Variants in EDA observed in about 807,000 individuals in gnomAD.
The protein encoded by EDA is ectodysplasin A, also known as ectodysplasin-A.
EDA carries 2 observed loss-of-function variants against 23.6 expected under a neutral mutation model. That is an observed-to-expected ratio of 0.08 (90% CI 0.03 to 0.27). The LOEUF (loss-of-function observed/expected upper bound fraction) is 0.27. Among genes scored for constraint, EDA ranks in the 10% least tolerant of loss-of-function variants. EDA has a pLI of 1.00. For synonymous variants in EDA, 131 were observed against 132.0 expected (o/e 0.99, Z 0.05); for missense variants, 229 against 324.2 (o/e 0.71, Z 2.26).
At chrX:69,853,334 A>C (rs1371525497) in intron 1 of EDA, among the ~76,000 whole-genome samples, 1 of 111,973 alleles carries the variant, frequency 8.9e-6, no homozygotes, top group African/African-American at 3.2e-5. Context: ...AGGAATTGAA[A>C]TAAATTATAC....
intron 1 of EDA, among the ~76,000 whole-genome samples, chrX:69,781,990 G>T (rs1455718068): frequency 9.1e-6 from 1 of 109,791 alleles, no homozygotes; most frequent in African/African-American, 3.3e-5. Context: ...CAAGAATAGT[G>T]TGGGGGAGGG....
intron 1 of EDA, among the ~76,000 whole-genome samples, chrX:69,655,877 T>C (rs778920894): frequency 9.7e-6 from 1 of 102,711 alleles, no homozygotes; most frequent in East Asian, 3.3e-4. Flanking sequence ...CCCTGTCCCA[T>C]TATTCATGTC....
intron 1 of EDA, among the ~76,000 whole-genome samples, chrX:69,906,777 C>G (rs963283211): frequency 8.9e-6 from 1 of 111,835 alleles, no homozygotes; most frequent in Admixed American, 9.5e-5. Context: ...ATACACACCC[C>G]TACAGGTTGT....
At chrX:69,840,084 G>A (rs2016863392) in intron 1 of EDA, among the ~76,000 whole-genome samples, 1 of 111,398 alleles carries the variant, frequency 9.0e-6, no homozygotes, top group African/African-American at 3.3e-5. Flanking sequence ...CTGGTGCTAT[G>A]CTCCTGTGAA....
intron 2 of EDA, among the ~76,000 whole-genome samples, chrX:70,013,997 A>G (rs976599626): frequency 9.0e-6 from 1 of 111,638 alleles, no homozygotes; most frequent in African/African-American, 3.3e-5. Context: ...GTGGCTCTAT[A>G]TTTATCTGGG....
At chrX:69,760,518 C>A (rs1262155497) in intron 1 of EDA, among the ~76,000 whole-genome samples, 3 of 111,942 alleles carry the variant, frequency 2.7e-5, no homozygotes, top group East Asian at 2.8e-4. Context: ...TGTTATCCAG[C>A]CTCTTTTTCA....
At chrX:70,024,366 G>T (rs1229073024) in intron 3 of EDA, among the ~76,000 whole-genome samples, 1 of 112,312 alleles carries the variant, frequency 8.9e-6, no homozygotes, top group Non-Finnish European at 1.9e-5. Context: ...CCTCCTGAGG[G>T]CCTGAACTGA....
chrX:69,882,643 C>G (rs904583947), intron 1 of EDA, among the ~76,000 whole-genome samples: 1 of 111,594 alleles, frequency 9.0e-6, no homozygotes, highest in Non-Finnish European at 1.9e-5. Flanking sequence ...TAACTTCCAA[C>G]TTACTTCAGT....
At chrX:69,826,898 G>T (rs1484516127) in intron 1 of EDA, among the ~76,000 whole-genome samples, 9 of 111,901 alleles carry the variant, frequency 8.0e-5, no homozygotes, top group Non-Finnish European at 1.5e-4. Flanking sequence ...AGGCCTGGTG[G>T]TGACAAAATC....
intron 1 of EDA, among the ~76,000 whole-genome samples, chrX:69,638,586 TC>T (rs752865199): frequency 4.5e-5 from 5 of 111,868 alleles, no homozygotes; most frequent in African/African-American, 1.6e-4. Flanking sequence ...TGCCAAGAGC[TC>T]TGAATGCTTT....
rs531522273 is a variant in EDA, at chrX:69,965,424, A to C, written c.502+8292A>C. On this transcript the variant is annotated intron_variant, in intron 2 of 7. Coordinates refer to ENST00000374552, the MANE Select transcript of EDA (RefSeq NM_001399.5). ...CCTAAAGGCAATGGGGAAGTACAGG[A>C]TCAATGTCAAGAATAGATTATATGG... 5.3e-5 allele frequency among the ~76,000 whole-genome samples: 6 copies of C among 112,168 alleles called. No homozygotes were observed. The South Asian group carries it at 2.2e-3, about 42-fold the overall frequency.
chrX:69,726,925 C>T (rs747295995), intron 1 of EDA, among the ~76,000 whole-genome samples: 2 of 112,343 alleles, frequency 1.8e-5, no homozygotes, highest in South Asian at 3.7e-4. Flanking sequence ...CATCTGCAGA[C>T]GGCTACGTGT....
At position 70,014,852 on chromosome X, in the gene EDA, G is replaced by C. The variant is rs1042545250; in HGVS notation, c.503-8366G>C. 4.5e-5 allele frequency among the ~76,000 whole-genome samples: 5 copies of C among 111,835 alleles called. No homozygotes were observed. The Admixed American group carries it at 4.8e-4, about 11-fold the overall frequency. ...CTGGTTCTCCAAACTAAATCAGTCAGACAAAAATAAAGAAAAAAAGAATTT... is the reference window on the plus strand; with the variant it reads ...CTGGTTCTCCAAACTAAATCAGTCACACAAAAATAAAGAAAAAAAGAATTT... On this transcript the variant is annotated intron_variant, in intron 2 of 7. Coordinates refer to ENST00000374552, the MANE Select transcript of EDA (RefSeq NM_001399.5).
intron 2 of EDA, among the ~76,000 whole-genome samples, chrX:69,988,358 C>A: frequency 9.0e-6 from 1 of 111,200 alleles, no homozygotes; most frequent in African/African-American, 3.3e-5. Context: ...GGACTATAGT[C>A]AATAATAATT....
intron 1 of EDA, among the ~76,000 whole-genome samples, chrX:69,700,525 A>G (rs917572865): frequency 5.4e-5 from 6 of 111,422 alleles, no homozygotes; most frequent in Non-Finnish European, 7.5e-5. Context: ...GATAAGTTCC[A>G]TCTGGCTTTT....
chrX:69,750,849 C>T (rs992606322), intron 1 of EDA, among the ~76,000 whole-genome samples: 18 of 111,773 alleles, frequency 1.6e-4, no homozygotes, highest in East Asian at 1.1e-3. Context: ...TCATATCCTT[C>T]GCCCACTTTT....
At chrX:69,846,036 A>T (rs981747172) in intron 1 of EDA, among the ~76,000 whole-genome samples, 2 of 112,386 alleles carry the variant, frequency 1.8e-5, no homozygotes, top group African/African-American at 6.5e-5. Context: ...CAACTGTGTG[A>T]GATAATAAAT....
chrX:69,645,319 A>G (rs1932896253), intron 1 of EDA, among the ~76,000 whole-genome samples: 1 of 108,512 alleles, frequency 9.2e-6, no homozygotes, highest in Non-Finnish European at 1.9e-5. Context: ...TTCCTGGTTC[A>G]GTCTTGGGAG....
At chrX:69,691,107 A>G (rs1170868543) in intron 1 of EDA, among the ~76,000 whole-genome samples, 1 of 111,889 alleles carries the variant, frequency 8.9e-6, no homozygotes, top group African/African-American at 3.2e-5. Flanking sequence ...TAGCAAATTA[A>G]TCATTTGAAG....
Sources: gnomAD v4.1 joint callset for allele counts (sites outside exome capture counted in the v4.1 genomes callset) on GRCh38, gnomAD v4.1.1 for gene constraint, MANE v1.5 for transcripts, NCBI Gene and HGNC (gene_info 2026-07-23, HGNC 2026-07-21) for gene names.